The following ZNF697 variants were observed in gnomAD, a reference collection of about 807,000 sequenced individuals.
ZNF697 encodes zinc finger protein 697.
Under a neutral mutation model 32.4 loss-of-function variants are expected in ZNF697, and 23 were observed. That is an observed-to-expected ratio of 0.71 (90% CI 0.51 to 1.01). The LOEUF (loss-of-function observed/expected upper bound fraction) is 1.01. Among genes scored for constraint, ZNF697 ranks in the 50% least tolerant of loss-of-function variants. The probability of loss-of-function intolerance (pLI) is 0.00; values close to 1 mark genes in which losing one functional copy is unlikely to be tolerated. For synonymous variants in ZNF697, 418 were observed against 337.2 expected, an observed-to-expected ratio of 1.24 and a Z score of -2.62; for missense variants, 930 against 794.0, an observed-to-expected ratio of 1.17 and a Z score of -2.06.
chr1:119,637,435 TATCCAC>T lies in ZNF697; in HGVS notation c.-38+10250_-38+10255del, dbSNP rs587654917. Among the ~76,000 whole-genome samples, 5 of 152,372 alleles carry T rather than the reference TATCCAC, an allele frequency of 3.3e-5. No homozygotes were observed. The South Asian group carries it at 1.0e-3, about 32-fold the overall frequency. On this transcript the variant is annotated intron_variant, in intron 1 of 2. Coordinates refer to ENST00000421812, the MANE Select transcript of ZNF697 (RefSeq NM_001080470.2). ...CAAGTACATTTTGCTGTAGAGAATG[TATCCAC>T]AGATAATGAGCAAATCTCATAACTT...
chr1:119,634,796 A>G (rs1648876612), intron 1 of ZNF697, among the ~76,000 whole-genome samples: 1 of 152,244 alleles, frequency 6.6e-6, no homozygotes, highest in African/African-American at 2.4e-5. Context: ...TGCCAACTCA[A>G]ACTTACAAAT....
At chr1:119,647,404 G>T (rs1001238595) in intron 1 of ZNF697, among the ~76,000 whole-genome samples, 3 of 152,134 alleles carry the variant, frequency 2.0e-5, no homozygotes, top group Non-Finnish European at 4.4e-5. Flanking sequence ...CACCCCTCTT[G>T]GGCTGCGAGC....
At chr1:119,641,514 G>T (rs145620366) in intron 1 of ZNF697, among the ~76,000 whole-genome samples, 4 of 152,136 alleles carry the variant, frequency 2.6e-5, no homozygotes, top group African/African-American at 4.8e-5. Flanking sequence ...ATGGGCAAAA[G>T]ATCTGAACAG....
chr1:119,623,946 C>T lies in ZNF697; in HGVS notation c.397G>A (p.Glu133Lys), dbSNP rs756065663. ...SAGENRLEEE[E>K]EQPAPPVLPW... The stretch of plus-strand genomic sequence containing the variant: ...AGTACGGGAGGGGCCGGCTGCTCCT[C>T]TTCCTCCTCCAGCCGGTTCTCCCCA... The change falls in exon 3 of 3, where the codon GAG becomes AAG. Residue 133 changes from glutamate (E) to lysine (K), a missense_variant. Physicochemically the swap from Glu to Lys is moderately conservative, Grantham distance 56 (BLOSUM62 1). Transcript: ENST00000421812. 8 of 1,599,138 alleles carry T rather than the reference C, an allele frequency of 5.0e-6. No homozygotes were observed. In the East Asian group the frequency reaches 1.8e-4, roughly 36 times the overall value.
chr1:119,646,165 G>A (rs1199165921), intron 1 of ZNF697, among the ~76,000 whole-genome samples: 1 of 152,128 alleles, frequency 6.6e-6, no homozygotes, highest in Non-Finnish European at 1.5e-5. Flanking sequence ...CTCTATCCCA[G>A]TAGTTCTGAA....
Position 119,623,418 on chromosome 1 carries a change from G to A in ZNF697, c.925C>T (p.Arg309Cys), listed in dbSNP as rs1648430841. ...TAGGGCTTCTCGCCCGTGTGCAGGC[G>A]CCGGTGCTTGAGCAGGTCGGCGCGC... is the stretch of plus-strand genomic sequence containing the variant. Reference protein sequence around the residue: ...SWRADLLKHRRLHTGEKPYPC... With the variant: ...SWRADLLKHRCLHTGEKPYPC... Residue 309 changes from arginine to cysteine, a missense_variant, in exon 3 of 3, where the codon CGC becomes TGC. By Grantham distance (180) the Arg-to-Cys change is radical (BLOSUM62 -3). Transcript: ENST00000421812. 1 of 1,531,406 alleles carries A rather than the reference G, an allele frequency of 6.5e-7. No individual in the cohort carries two copies. The highest frequency in any genetic ancestry group is 8.8e-7 in the Non-Finnish European group (1 of 1,140,538). The allele number at this position is 1,531,406 out of a possible 1,614,324, so 94.9% of individuals were successfully genotyped here. A position where few individuals can be genotyped will look rare whatever the true frequency, so the allele number is the denominator to read the frequency against.
chr1:119,625,422 G>A (rs753174242), intron 2 of ZNF697, among the ~76,000 whole-genome samples: 2 of 152,192 alleles, frequency 1.3e-5, no homozygotes, highest in Non-Finnish European at 2.9e-5. Flanking sequence ...ACCTAGGCAG[G>A]TCACTTACCA....
chr1:119,631,964 G>A (rs1279305833), intron 1 of ZNF697, among the ~76,000 whole-genome samples: 2 of 152,214 alleles, frequency 1.3e-5, no homozygotes, highest in Non-Finnish European at 2.9e-5. Flanking sequence ...GTAGAGCGCT[G>A]GAAAAACAAT....
rs1011761108 is a variant in ZNF697 at position 119,620,991 on chromosome 1, A to G, written c.*1714T>C. ...AACAATACTGCTTTCCACAACTCTA[A>G]CTTCTAAAGGCTAACCTAGCACAGG... On this transcript the variant is annotated 3_prime_UTR_variant, in exon 3 of 3. Coordinates refer to ENST00000421812, the MANE Select transcript of ZNF697 (RefSeq NM_001080470.2). The G allele has an allele frequency of 6.6e-6, 1 of 152,220 alleles. No homozygotes were observed. The highest frequency in any genetic ancestry group is 2.4e-5 in the African/African-American group (1 of 41,446). 9.4% of individuals were successfully genotyped at this position (152,220 alleles called of 1,614,324 possible).
chr1:119,637,480 T>C (rs990284671), intron 1 of ZNF697, among the ~76,000 whole-genome samples: 1 of 152,172 alleles, frequency 6.6e-6, no homozygotes, highest in Admixed American at 6.5e-5. Flanking sequence ...TTCACAAAGG[T>C]GTCAAGTTGG....
In ZNF697 at chr1:119,623,862, G is replaced by C. The variant is rs1228035666; in HGVS notation, c.481C>G (p.Arg161Gly). 6.5e-7 allele frequency: 1 copy of C among 1,541,976 alleles called. No homozygotes were observed. Among genetic ancestry groups the C allele is most frequent in the East Asian group, 2.4e-5 (1 of 41,178 alleles). Residue 161 changes from arginine to glycine, a missense_variant, in exon 3 of 3, where the codon CGC becomes GGC. Transcript: ENST00000421812. ...GGGTGGTGGAGCCGGTGGAAGCGGC[G>C]GTGGGCGGGCTTGTCACCTCGGTGC... ...SRHRGDKPAH[R>G]RFHRLHHPMA...
chr1:119,644,150 A>T (rs919914156), intron 1 of ZNF697, among the ~76,000 whole-genome samples: 1 of 152,196 alleles, frequency 6.6e-6, no homozygotes, highest in African/African-American at 2.4e-5. Flanking sequence ...AATGCAAGAG[A>T]TTAGGGGAGA....
intron 2 of ZNF697, 121 bp from the exon 3 acceptor site, chr1:119,624,237 C>T (rs1010431503): frequency 1.2e-5 from 15 of 1,217,026 alleles, no homozygotes; most frequent in Non-Finnish European, 1.7e-5. Context: ...ATCCCTGCCC[C>T]TCCAAGACCC....
chr1:119,641,489 A>G (rs892671079), intron 1 of ZNF697, among the ~76,000 whole-genome samples: 1 of 152,246 alleles, frequency 6.6e-6, no homozygotes, highest in Non-Finnish European at 1.5e-5. Flanking sequence ...AAGAACTCTT[A>G]AAACCCAATT....
intron 1 of ZNF697, among the ~76,000 whole-genome samples, chr1:119,645,231 A>G (rs587644444): frequency 1.3e-5 from 2 of 152,334 alleles, no homozygotes; most frequent in South Asian, 2.1e-4. Flanking sequence ...CACAATTGCA[A>G]TGAATCATCA....
intron 1 of ZNF697, among the ~76,000 whole-genome samples, chr1:119,630,093 G>T (rs1024937105): frequency 2.0e-5 from 3 of 152,228 alleles, no homozygotes; most frequent in African/African-American, 7.2e-5. Context: ...CAATAGAGTG[G>T]TGGGCATACA....
intron 1 of ZNF697, among the ~76,000 whole-genome samples, chr1:119,630,984 C>A (rs1415274213): frequency 6.6e-6 from 1 of 152,214 alleles, no homozygotes; most frequent in African/African-American, 2.4e-5. Context: ...TTCGCCAAAT[C>A]CCCCACTTTG....
rs757791611 is a variant in ZNF697, at chr1:119,636,926, A to T, written c.-38+10765T>A. Among the ~76,000 whole-genome samples, 102 of 152,194 alleles carry T rather than the reference A, an allele frequency of 6.7e-4. 1 individual carries two copies. Among genetic ancestry groups the T allele is most frequent in the Non-Finnish European group, 1.2e-3 (81 of 68,002 alleles). Reference sequence around the variant, plus strand: ...AGAGGGAGGGAAGTTGTTCCTCAAGACTGTAACACCCTGCCTCTCTTGGAC... The same window carrying T: ...AGAGGGAGGGAAGTTGTTCCTCAAGTCTGTAACACCCTGCCTCTCTTGGAC... On this transcript the variant is annotated intron_variant, in intron 1 of 2. Transcript: ENST00000421812.
At position 119,622,694 on chromosome 1, in the gene ZNF697, G is replaced by T; in HGVS notation, c.*11C>A. 2 of 1,501,106 alleles carry T rather than the reference G, an allele frequency of 1.3e-6. No homozygotes were observed. Among genetic ancestry groups the T allele is most frequent in the Admixed American group, 2.1e-5 (1 of 46,598 alleles). 93.0% of individuals were successfully genotyped at this position (1,501,106 alleles called of 1,614,324 possible). On this transcript the variant is annotated 3_prime_UTR_variant, in exon 3 of 3. Transcript: ENST00000421812. ...GGCTCCCCAGACGGCAGCCTCCCGC[G>T]GACCCAGCCCCTAACACAGGTGCAG...
Sources: allele counts gnomAD v4.1 joint callset (sites outside exome capture counted in the v4.1 genomes callset), GRCh38; gene constraint gnomAD v4.1.1; transcripts MANE v1.5; gene names NCBI Gene and HGNC (gene_info 2026-07-23, HGNC 2026-07-21).